EPHA3: variants seen among roughly 807,000 people sequenced by gnomAD.
EPHA3 encodes the protein EPH receptor A3.
In EPHA3, 42 loss-of-function variants were observed where a neutral mutation model predicts 107.1. That is an observed-to-expected ratio of 0.39 (90% CI 0.31 to 0.51). EPHA3 has a LOEUF of 0.51. EPHA3 is among the 20% of genes least tolerant of loss of function. The pLI is 0.78. For synonymous variants in EPHA3, 461 were observed against 424.8 expected (o/e 1.09, Z -1.05); for missense variants, 1,183 against 1,211.2 (o/e 0.98, Z 0.35).
At chr3:89,193,281 C>A (rs1322320436) in intron 2 of EPHA3, among the ~76,000 whole-genome samples, 1 of 151,964 alleles carries the variant, frequency 6.6e-6, no homozygotes, top group Non-Finnish European at 1.5e-5. Flanking sequence ...TTAAAAATTT[C>A]TTTTAAGTTC....
chr3:89,180,305 A>ATT (rs35613113), intron 2 of EPHA3, among the ~76,000 whole-genome samples: 21,726 of 149,928 alleles, frequency 0.14, 1,697 homozygotes, highest in African/African-American at 0.22. Flanking sequence ...TCCAAATCTG[A>ATT]TTTTTTTTTT....
chr3:89,364,342 T>G (rs1048130909), intron 5 of EPHA3, among the ~76,000 whole-genome samples: 1 of 151,002 alleles, frequency 6.6e-6, no homozygotes, highest in Non-Finnish European at 1.5e-5. Context: ...ATTTACCTAC[T>G]CCAAGCCAAT....
intron 3 of EPHA3, among the ~76,000 whole-genome samples, chr3:89,228,585 C>T (rs776089102): frequency 4.6e-5 from 7 of 151,734 alleles, no homozygotes; most frequent in Non-Finnish European, 1.0e-4. Context: ...TATGCAGTCA[C>T]GATTTTAGGA....
At chr3:89,354,667 GCTC>G (rs1707905267) in intron 5 of EPHA3, among the ~76,000 whole-genome samples, 1 of 151,046 alleles carries the variant, frequency 6.6e-6, no homozygotes, top group South Asian at 2.1e-4. Context: ...CATATTTTCT[GCTC>G]CTTTTTATTA....
chr3:89,203,371 G>C (rs1347042297), intron 2 of EPHA3, among the ~76,000 whole-genome samples: 1 of 150,830 alleles, frequency 6.6e-6, no homozygotes, highest in African/African-American at 2.4e-5. Context: ...TTACATAAAG[G>C]AATTAAACAG....
At chr3:89,348,366 T>G (rs1220299116) in intron 5 of EPHA3, among the ~76,000 whole-genome samples, 55 of 133,570 alleles carry the variant, frequency 4.1e-4, no homozygotes, top group East Asian at 1.0e-3. Context: ...GTCGAGGAAT[T>G]TATCCATTTC....
intron 10 of EPHA3, among the ~76,000 whole-genome samples, chr3:89,415,508 A>T (rs1015836474): frequency 7.1e-6 from 1 of 140,570 alleles, no homozygotes; most frequent in Non-Finnish European, 1.5e-5. Flanking sequence ...ATTCTCTTAA[A>T]TTTCTGTCAG....
chr3:89,452,649 C>T lies in EPHA3; in HGVS notation c.2690+2279C>T, dbSNP rs184622772. Among the ~76,000 whole-genome samples, 621 of 152,062 alleles carry T rather than the reference C, an allele frequency of 4.1e-3. 1 individual carries two copies. The highest frequency in any genetic ancestry group is 6.0e-3 in the Non-Finnish European group (411 of 67,950). On this transcript the variant is annotated intron_variant, in intron 15 of 16. Coordinates refer to ENST00000336596, the MANE Select transcript of EPHA3 (RefSeq NM_005233.6). ...ATATTTTCTCTTCTTCTGTGGATTGCCTTTCATTTTCTTGTTTTCTTTACT... is the reference window on the plus strand; with the variant it reads ...ATATTTTCTCTTCTTCTGTGGATTGTCTTTCATTTTCTTGTTTTCTTTACT...
In EPHA3 at chr3:89,176,741, A is replaced by T. The variant is rs117055377; in HGVS notation, c.154-33119A>T. 3.7e-4 allele frequency among the ~76,000 whole-genome samples: 56 copies of T among 152,270 alleles called. No individual in the cohort carries two copies. In the East Asian group the frequency reaches 0.01, roughly 27 times the overall value. On this transcript the variant is annotated intron_variant, in intron 2 of 16. Coordinates refer to ENST00000336596, the MANE Select transcript of EPHA3 (RefSeq NM_005233.6). The stretch of plus-strand genomic sequence containing the variant: ...TAACTATAAGTTTATTAATACATAC[A>T]TCATAAAATCCTTGTCTCTGTTGGC...
chr3:89,377,278 G>A (rs1708420262), intron 5 of EPHA3, among the ~76,000 whole-genome samples: 1 of 152,008 alleles, frequency 6.6e-6, no homozygotes, highest in African/African-American at 2.4e-5. Flanking sequence ...TGCATCAGAT[G>A]CTTTATATTG....
intron 2 of EPHA3, among the ~76,000 whole-genome samples, chr3:89,152,658 C>A (rs1416521765): frequency 6.6e-6 from 1 of 152,018 alleles, no homozygotes; most frequent in Non-Finnish European, 1.5e-5. Flanking sequence ...CATTTTCCAT[C>A]CAGTCAATGT....
chr3:89,112,241 G>A lies in EPHA3; in HGVS notation c.88+4405G>A, dbSNP rs545149447. On this transcript the variant is annotated intron_variant, in intron 1 of 16. Transcript: ENST00000336596. ...AAATATTGTACAGAATCAGATCTTAGAGAGTTATTTTTAACATTTTTTAGT... is the reference window on the plus strand; with the variant it reads ...AAATATTGTACAGAATCAGATCTTAAAGAGTTATTTTTAACATTTTTTAGT... Among the ~76,000 whole-genome samples the A allele has an allele frequency of 1.5e-4, 23 of 152,142 alleles. No individual in the cohort carries two copies. The South Asian group carries it at 3.5e-3, about 23-fold the overall frequency.
At chr3:89,378,047 G>C (rs1179394096) in intron 5 of EPHA3, among the ~76,000 whole-genome samples, 3 of 152,080 alleles carry the variant, frequency 2.0e-5, no homozygotes, top group African/African-American at 7.2e-5. Flanking sequence ...TCACTCATAA[G>C]TGAGAGCTGA....
intron 3 of EPHA3, among the ~76,000 whole-genome samples, chr3:89,333,231 G>T (rs561773450): frequency 6.6e-6 from 1 of 152,052 alleles, no homozygotes; most frequent in African/African-American, 2.4e-5. Context: ...TTCAGAGCTG[G>T]CAGTTTGCTA....
At chr3:89,340,315 A>G (rs1469022239) in intron 3 of EPHA3, among the ~76,000 whole-genome samples, 1 of 152,254 alleles carries the variant, frequency 6.6e-6, no homozygotes, top group Admixed American at 6.5e-5. Context: ...ATATAGACAA[A>G]GGAATATATT....
At position 89,361,382 on chromosome 3, in the gene EPHA3, T is replaced by C. The variant is rs1414462169; in HGVS notation, c.1306+19292T>C. 1.3e-5 allele frequency among the ~76,000 whole-genome samples: 2 copies of C among 150,858 alleles called. 1 individual carries two copies. Among genetic ancestry groups the C allele is most frequent in the Non-Finnish European group, 3.0e-5 (2 of 67,392 alleles). Reference sequence around the variant, plus strand: ...GTTCAGTACATGATATATTTATTTTTTACCCCAGTGGCCCTTATAAAAAGG... The same window carrying C: ...GTTCAGTACATGATATATTTATTTTCTACCCCAGTGGCCCTTATAAAAAGG... On this transcript the variant is annotated intron_variant, in intron 5 of 16. Coordinates refer to ENST00000336596, the MANE Select transcript of EPHA3 (RefSeq NM_005233.6).
chr3:89,120,028 A>G (rs1199538397), intron 1 of EPHA3, among the ~76,000 whole-genome samples: 2 of 152,166 alleles, frequency 1.3e-5, no homozygotes, highest in African/African-American at 2.4e-5. Context: ...CTGGATGTCG[A>G]TATTCTACAT....
intron 5 of EPHA3, among the ~76,000 whole-genome samples, chr3:89,379,353 G>A (rs1284188007): frequency 6.6e-6 from 1 of 152,100 alleles, no homozygotes; most frequent in East Asian, 1.9e-4. Context: ...AGTCTCTGCT[G>A]GTGTTCACTT....
At chr3:89,386,279 G>A (rs1708620083) in intron 5 of EPHA3, among the ~76,000 whole-genome samples, 1 of 152,142 alleles carries the variant, frequency 6.6e-6, no homozygotes, top group African/African-American at 2.4e-5. Flanking sequence ...CTTTTTGACA[G>A]GCCAGGAGGT....
Sources: allele counts gnomAD v4.1 joint callset (sites outside exome capture counted in the v4.1 genomes callset), GRCh38; gene constraint gnomAD v4.1.1; transcripts MANE v1.5; gene names NCBI Gene and HGNC (gene_info 2026-07-23, HGNC 2026-07-21).